The following BABAM2 variants were observed in gnomAD, a reference collection of about 807,000 sequenced individuals.
BABAM2 encodes the protein BRISC and BRCA1 A complex member 2.
BABAM2 carries 31 observed loss-of-function variants against 54.7 expected under a neutral mutation model. The observed-to-expected ratio is 0.57, with a 90% CI of 0.43 to 0.77. The LOEUF (loss-of-function observed/expected upper bound fraction) is 0.77, where lower values mean the gene tolerates loss of function less well. Ranked by LOEUF, BABAM2 falls within the 30% of genes least tolerant of loss-of-function variation. BABAM2 has a pLI of 0.00. For synonymous variants in BABAM2, 167 were observed against 162.9 expected, an observed-to-expected ratio of 1.03 and a Z score of -0.19; for missense variants, 364 against 455.8, an observed-to-expected ratio of 0.80 and a Z score of 1.83.
At chr2:28,076,371 A>G (rs1664666008) in intron 6 of BABAM2, among the ~76,000 whole-genome samples, 1 of 152,132 alleles carries the variant, frequency 6.6e-6, no homozygotes, top group South Asian at 2.1e-4. Flanking sequence ...AAAAATTTTT[A>G]TGGCAACAAC....
At chr2:28,297,783 G>A (rs1356150907) in intron 10 of BABAM2, among the ~76,000 whole-genome samples, 2 of 152,074 alleles carry the variant, frequency 1.3e-5, no homozygotes, top group African/African-American at 4.8e-5. Flanking sequence ...ATTTTTCCTG[G>A]TAGTCTGGTT....
intron 5 of BABAM2, among the ~76,000 whole-genome samples, chr2:28,030,979 A>T (rs1676255560): frequency 6.6e-6 from 1 of 152,198 alleles, no homozygotes; most frequent in African/African-American, 2.4e-5. Context: ...GACTGTTATA[A>T]ATAACAACAT....
chr2:28,028,100 G>A (rs2148574484), intron 5 of BABAM2, among the ~76,000 whole-genome samples: 2 of 152,200 alleles, frequency 1.3e-5, no homozygotes. Flanking sequence ...GACTGGAGAT[G>A]GAGTCATTAT....
intron 11 of BABAM2, chr2:28,327,145 GAACGCCAGAGA>G: frequency 1.0e-6 from 1 of 964,534 alleles, no homozygotes; most frequent in South Asian, 1.8e-5. Flanking sequence ...CATCTGTGAT[GAACGCCAGAGA>G]AAGAAGCTGG....
At chr2:28,003,731 G>A (rs985490922) in intron 4 of BABAM2, among the ~76,000 whole-genome samples, 2 of 152,158 alleles carry the variant, frequency 1.3e-5, no homozygotes, top group African/African-American at 2.4e-5. Flanking sequence ...CAGGATCTAT[G>A]TATTTATTTA....
intron 10 of BABAM2, among the ~76,000 whole-genome samples, chr2:28,275,590 G>T (rs1685810101): frequency 1.3e-5 from 2 of 152,198 alleles, no homozygotes; most frequent in Admixed American, 1.3e-4. Flanking sequence ...TGTGTCTAGA[G>T]AATTCAGGGT....
chr2:28,204,625 G>A (rs755883537), intron 7 of BABAM2, among the ~76,000 whole-genome samples: 15 of 151,912 alleles, frequency 9.9e-5, no homozygotes, highest in Non-Finnish European at 2.1e-4. Flanking sequence ...AGTTTCACTC[G>A]GTGGGAAATT....
intron 7 of BABAM2, among the ~76,000 whole-genome samples, chr2:28,171,613 A>C (rs1231647060): frequency 6.6e-6 from 1 of 152,178 alleles, no homozygotes; most frequent in Non-Finnish European, 1.5e-5. Context: ...ATGGGAAAGG[A>C]GGGAAATCCA....
At position 28,254,371 on chromosome 2, in the gene BABAM2, A is replaced by T. The variant is rs1683770109; in HGVS notation, c.934+9509A>T. Reference sequence around the variant, plus strand: ...AGGCTGGTCTCGAACTCCTGACCTCAGGTGATCCTCCCGCCTCGATCTCCC... The same window carrying T: ...AGGCTGGTCTCGAACTCCTGACCTCTGGTGATCCTCCCGCCTCGATCTCCC... On this transcript the variant is annotated intron_variant, in intron 10 of 11. Transcript: ENST00000379624. Among the ~76,000 whole-genome samples, 3 of 152,266 alleles carry T rather than the reference A, an allele frequency of 2.0e-5. No homozygotes were observed. In the South Asian group the frequency reaches 6.2e-4, roughly 32 times the overall value.
At position 27,995,616 on chromosome 2, in the gene BABAM2, G is replaced by A. The variant is rs1230038332; in HGVS notation, c.300+7529G>A. On this transcript the variant is annotated intron_variant, in intron 4 of 11. Coordinates refer to ENST00000379624, the MANE Select transcript of BABAM2 (RefSeq NM_199191.3). The surrounding 1 kb of genome is among the most constrained non-coding windows in gnomAD (Gnocchi z 4.1). Reference sequence around the variant, plus strand: ...TTTTTCTTAGATGGAGTCTTGCTCTGTTGCCCAGGCTAGAGTGGAGTGGCT... The same window carrying A: ...TTTTTCTTAGATGGAGTCTTGCTCTATTGCCCAGGCTAGAGTGGAGTGGCT... 6.6e-6 allele frequency among the ~76,000 whole-genome samples: 1 copy of A among 151,984 alleles called. No homozygotes were observed. The highest frequency in any genetic ancestry group is 1.5e-5 in the Non-Finnish European group (1 of 68,008).
In BABAM2 at chr2:28,073,094, G is replaced by T. The variant is rs1262578774; in HGVS notation, c.570+27295G>T. On this transcript the variant is annotated intron_variant, in intron 6 of 11. Coordinates refer to ENST00000379624, the MANE Select transcript of BABAM2 (RefSeq NM_199191.3). ...AGCTGGCTCTGCCGTTTATCAGTAG[G>T]ACTTAAGCTCTCTAATCCTCCCCTT... Among the ~76,000 whole-genome samples the T allele has an allele frequency of 2.0e-5, 3 of 152,270 alleles. No homozygotes were observed. The South Asian group carries it at 6.2e-4, about 32-fold the overall frequency.
intron 7 of BABAM2, among the ~76,000 whole-genome samples, chr2:28,187,690 C>T (rs375840450): frequency 2.3e-5 from 2 of 88,760 alleles, no homozygotes; most frequent in African/African-American, 8.4e-5. Context: ...TTTTTTGAGA[C>T]GGAGTCTCTC....
chr2:27,892,779 T>C (rs1664965185), intron 1 of BABAM2, among the ~76,000 whole-genome samples: 1 of 152,154 alleles, frequency 6.6e-6, no homozygotes, highest in Admixed American at 6.5e-5. Context: ...CAGTGTTAGA[T>C]GTTTAGTCTT....
chr2:28,026,793 ATTTATAT>A (rs1675713028), intron 5 of BABAM2, among the ~76,000 whole-genome samples: 1 of 91,984 alleles, frequency 1.1e-5, no homozygotes, highest in African/African-American at 4.3e-5. Flanking sequence ...ATAAATATAT[ATTTATAT>A]AAAAAATATA....
intron 4 of BABAM2, among the ~76,000 whole-genome samples, chr2:28,020,446 A>C (rs1427286541): frequency 6.6e-6 from 1 of 152,196 alleles, no homozygotes; most frequent in Non-Finnish European, 1.5e-5. Flanking sequence ...AAACAGGAAG[A>C]AGCAAAAAAC....
At chr2:28,233,823 G>T (rs1172500237) in intron 7 of BABAM2, among the ~76,000 whole-genome samples, 3 of 152,210 alleles carry the variant, frequency 2.0e-5, no homozygotes, top group Non-Finnish European at 2.9e-5. Flanking sequence ...AAATGAATCT[G>T]ATTGTTTGGT....
chr2:27,918,142 C>T (rs1223005935), intron 2 of BABAM2, among the ~76,000 whole-genome samples: 3 of 152,156 alleles, frequency 2.0e-5, no homozygotes, highest in Non-Finnish European at 4.4e-5. Context: ...CATTTTTAAG[C>T]ATACAGTTCT....
chr2:28,175,407 C>G (rs1241395977), intron 7 of BABAM2, among the ~76,000 whole-genome samples: 1 of 152,202 alleles, frequency 6.6e-6, no homozygotes, highest in East Asian at 1.9e-4. Flanking sequence ...CCCAACCAGC[C>G]TGGCACTGCT....
In BABAM2 at chr2:28,129,341, A is replaced by G; in HGVS notation, c.641A>G (p.Gln214Arg). Residue 214 changes from glutamine (Q) to arginine (R), a missense_variant, in exon 7 of 12, where the codon CAG becomes CGG. Transcript: ENST00000379624. Reference sequence around the variant, plus strand: ...AGTTTTGAGGACACTGAAGCCACCCAGGTGTACCCCAAGCTGTACTTGTCA... The same window carrying G: ...AGTTTTGAGGACACTGAAGCCACCCGGGTGTACCCCAAGCTGTACTTGTCA... ...SVSFEDTEATQVYPKLYLSPR... is the reference protein window; with the variant it reads ...SVSFEDTEATRVYPKLYLSPR... 1 of 1,614,222 alleles carries G rather than the reference A, an allele frequency of 6.2e-7. No homozygotes were observed.
Sources: gnomAD v4.1 joint callset for allele counts (sites outside exome capture counted in the v4.1 genomes callset) on GRCh38, gnomAD v4.1.1 for gene constraint, Gnocchi (gnomAD v3.1) non-coding constraint, MANE v1.5 for transcripts, NCBI Gene and HGNC (gene_info 2026-07-23, HGNC 2026-07-21) for gene names.